Variants in CEP85L observed in about 807,000 individuals in gnomAD.
CEP85L encodes the protein centrosomal protein 85L, also known as centrosomal protein of 85 kDa-like.
CEP85L carries 60 observed loss-of-function variants against 100.3 expected under a neutral mutation model. The ratio of observed to expected loss-of-function variants is 0.60; its 90% CI spans 0.49 to 0.74. CEP85L has a LOEUF of 0.74. CEP85L is among the 30% of genes least tolerant of loss of function. The probability of loss-of-function intolerance (pLI) is 0.00; values close to 1 mark genes in which losing one functional copy is unlikely to be tolerated. For synonymous variants in CEP85L, 319 were observed against 322.7 expected, an observed-to-expected ratio of 0.99 and a Z score of 0.12; for missense variants, 973 against 936.2, an observed-to-expected ratio of 1.04 and a Z score of -0.51.
In CEP85L at chr6:118,511,316, A is replaced by G. The variant is rs1413571619; in HGVS notation, c.1239T>C (p.Ser413=). Reference sequence around the variant, plus strand: ...ATCTTACCTGCAAACTAGCCACATAAGAATCCTCACAATTTACATAATGTC... The same window carrying G: ...ATCTTACCTGCAAACTAGCCACATAGGAATCCTCACAATTTACATAATGTC... The part of the protein sequence containing the change: ...MLGHYVNCED[S]YVASLQPQYE... The change falls in exon 5 of 13, where the codon TCT becomes TCC. Residue 413 remains serine (S), a synonymous_variant. Transcript: ENST00000368491. 3.7e-6 allele frequency: 6 copies of G among 1,611,364 alleles called. No homozygotes were observed. Among genetic ancestry groups the G allele is most frequent in the Non-Finnish European group, 4.2e-6 (5 of 1,177,802 alleles).
intron 4 of CEP85L, among the ~76,000 whole-genome samples, chr6:118,513,795 G>A (rs1049352506): frequency 4.6e-5 from 7 of 151,936 alleles, no homozygotes; most frequent in Admixed American, 2.0e-4. Flanking sequence ...CAATATACCA[G>A]ATGAAAACCT....
At chr6:118,547,823 G>A (rs1197970350) in intron 3 of CEP85L, among the ~76,000 whole-genome samples, 1 of 151,852 alleles carries the variant, frequency 6.6e-6, no homozygotes, top group Admixed American at 6.6e-5. Flanking sequence ...TAAGAAAACA[G>A]GTATAAAATT....
chr6:118,545,368 T>G (rs1778135841), intron 3 of CEP85L, among the ~76,000 whole-genome samples: 1 of 152,134 alleles, frequency 6.6e-6, no homozygotes, highest in Non-Finnish European at 1.5e-5. Flanking sequence ...GGTGGGCAGA[T>G]CACGAGGTCA....
At chr6:118,665,336 A>G (rs534676476) in intron 1 of CEP85L, among the ~76,000 whole-genome samples, 18 of 151,284 alleles carry the variant, frequency 1.2e-4, no homozygotes, top group African/African-American at 3.6e-4. Flanking sequence ...ACAACCATTC[A>G]ATTTTATTTA....
At chr6:118,637,733 T>C (rs1262595617) in intron 1 of CEP85L, among the ~76,000 whole-genome samples, 1 of 144,606 alleles carries the variant, frequency 6.9e-6, no homozygotes, top group Non-Finnish European at 1.5e-5. Context: ...AAAAGTTGTC[T>C]ATATATTTAA....
intron 1 of CEP85L, among the ~76,000 whole-genome samples, chr6:118,669,648 AC>A (rs1228867821): frequency 2.0e-5 from 3 of 152,090 alleles, no homozygotes; most frequent in Non-Finnish European, 4.4e-5. Flanking sequence ...CCAAGTCAGA[AC>A]CTAGAATTTA....
rs748051039 is a variant in CEP85L at position 118,469,108 on chromosome 6, T to C, written c.2218A>G (p.Lys740Glu). 5 of 1,613,762 alleles carry C rather than the reference T, an allele frequency of 3.1e-6. No individual in the cohort carries two copies. In the African/African-American group the frequency reaches 6.7e-5, roughly 22 times the overall value. The stretch of plus-strand genomic sequence containing the variant: ...AGTAATAATGAAAGATTAGGCTCCT[T>C]GCCCTGAGCACGCTGATTAAGAATA... ...CSILNQRAQGKEPNLSLLLGI... is the reference protein window; with the variant it reads ...CSILNQRAQGEEPNLSLLLGI... Residue 740 changes from lysine (K) to glutamate (E), a missense_variant, in exon 12 of 13, where the codon AAG becomes GAG. Physicochemically the swap from Lys to Glu is moderately conservative, Grantham distance 56. This residue lies in a region of CEP85L where 890 missense variants were observed against 844.5 expected (regional missense o/e 1.05). Transcript: ENST00000368491.
chr6:118,484,682 C>A (rs1002856911), intron 6 of CEP85L, among the ~76,000 whole-genome samples: 4 of 152,104 alleles, frequency 2.6e-5, no homozygotes, highest in African/African-American at 9.7e-5. Flanking sequence ...GGAATGACTC[C>A]GATTTCTTAG....
At chr6:118,654,842 A>G (rs1243835762), upstream of CEP85L, among the ~76,000 whole-genome samples, 1 of 152,236 alleles carries the variant, frequency 6.6e-6, no homozygotes. Context: ...GTGTATGTGT[A>G]CATCCTATAT....
At chr6:118,585,687 G>T (rs1780816914) in intron 2 of CEP85L, among the ~76,000 whole-genome samples, 1 of 152,182 alleles carries the variant, frequency 6.6e-6, no homozygotes, top group Non-Finnish European at 1.5e-5. Flanking sequence ...CTTGGGAGAG[G>T]ATAAAACTTA....
At chr6:118,538,695 AC>A (rs1777739598) in intron 3 of CEP85L, among the ~76,000 whole-genome samples, 2 of 151,362 alleles carry the variant, frequency 1.3e-5, no homozygotes, top group East Asian at 3.9e-4. Context: ...ACAGTAACTT[AC>A]TTTCTTTAAG....
At chr6:118,512,209 G>A (rs1776010892) in intron 4 of CEP85L, among the ~76,000 whole-genome samples, 1 of 152,096 alleles carries the variant, frequency 6.6e-6, no homozygotes, top group South Asian at 2.1e-4. Context: ...CAGGAATGGT[G>A]GTCTCCCTGA....
At chr6:118,512,229 A>T (rs918553608) in intron 4 of CEP85L, among the ~76,000 whole-genome samples, 10 of 152,166 alleles carry the variant, frequency 6.6e-5, no homozygotes, top group Non-Finnish European at 1.5e-4. Flanking sequence ...AATTGAAGAC[A>T]CAAAGCTGAG....
In CEP85L at chr6:118,500,675, C is replaced by A. The variant is rs372214322; in HGVS notation, c.1258-8810G>T. Among the ~76,000 whole-genome samples, 42 of 152,278 alleles carry A rather than the reference C, an allele frequency of 2.8e-4. No individual in the cohort carries two copies. In the South Asian group the frequency reaches 4.3e-3, roughly 16 times the overall value. ...TTGTCTTTTATTCCCACGTTCACCC[C>A]CTTTGTTCAGTCTCCCAAGGTCCAT... On this transcript the variant is annotated intron_variant, in intron 5 of 12. Transcript: ENST00000368491.
chr6:118,585,078 A>C (rs537488008), intron 2 of CEP85L, among the ~76,000 whole-genome samples: 1 of 152,316 alleles, frequency 6.6e-6, no homozygotes, highest in African/African-American at 2.4e-5. Flanking sequence ...TAGAACAAGG[A>C]ATCTGTAAGG....
chr6:118,694,083 G>A (rs534792320), intron 1 of CEP85L, among the ~76,000 whole-genome samples: 3 of 152,292 alleles, frequency 2.0e-5, no homozygotes, highest in East Asian at 3.9e-4. Flanking sequence ...CCACACCTTT[G>A]AATGCCTAAC....
At chr6:118,641,262 T>C (rs974478542) in intron 1 of CEP85L, among the ~76,000 whole-genome samples, 2 of 152,162 alleles carry the variant, frequency 1.3e-5, no homozygotes, top group Non-Finnish European at 2.9e-5. Context: ...CCAATGCCCA[T>C]CTCTCTGATA....
chr6:118,680,669 G>A (rs1195018722), intron 1 of CEP85L, among the ~76,000 whole-genome samples: 1 of 152,068 alleles, frequency 6.6e-6, no homozygotes, highest in Non-Finnish European at 1.5e-5. Flanking sequence ...TTCAGCCCAG[G>A]AGTTGGAGAC....
intron 1 of CEP85L, among the ~76,000 whole-genome samples, chr6:118,668,844 C>T (rs1045176484): frequency 6.6e-6 from 1 of 152,184 alleles, no homozygotes; most frequent in Non-Finnish European, 1.5e-5. Context: ...TGTTGAATGG[C>T]TGCTTCTTAT....
Sources: allele counts gnomAD v4.1 joint callset (sites outside exome capture counted in the v4.1 genomes callset), GRCh38; gene constraint gnomAD v4.1.1; regional missense constraint gnomAD v4.1.1; transcripts MANE v1.5; gene names NCBI Gene and HGNC (gene_info 2026-07-23, HGNC 2026-07-21).